The following IFT122 variants were observed in gnomAD, a reference collection of about 807,000 sequenced individuals.
IFT122 encodes the protein intraflagellar transport protein 122 homolog.
In IFT122, 118 loss-of-function variants were observed where a neutral mutation model predicts 161.6. The observed-to-expected ratio is 0.73, with a 90% CI of 0.63 to 0.85. The LOEUF is 0.85. Ranked by LOEUF, IFT122 falls within the 40% of genes least tolerant of loss-of-function variation. The probability of loss-of-function intolerance (pLI) is 0.00; values close to 1 mark genes in which losing one functional copy is unlikely to be tolerated. For synonymous variants in IFT122, 550 were observed against 602.4 expected, an observed-to-expected ratio of 0.91 and a Z score of 1.27; for missense variants, 1,381 against 1,579.6, an observed-to-expected ratio of 0.87 and a Z score of 2.13.
intron 1 of IFT122, among the ~76,000 whole-genome samples, chr3:129,443,196 A>T (rs2073499550): frequency 6.6e-6 from 1 of 152,230 alleles, no homozygotes; most frequent in Admixed American, 6.5e-5. Context: ...AGGTGACATA[A>T]GTTACCTAAG....
In IFT122 at chr3:129,476,410, A is replaced by T; in HGVS notation, c.912A>T (p.Val304=). 6.2e-7 allele frequency: 1 copy of T among 1,614,164 alleles called. No homozygotes were observed. Among genetic ancestry groups the T allele is most frequent in the Non-Finnish European group, 8.5e-7 (1 of 1,180,024 alleles). The change falls in exon 10 of 30, where the codon GTA becomes GTT. Residue 304 remains valine, a synonymous_variant. Transcript: ENST00000348417. ...TGCTGGGGGGTTCAGACAAGCAAGT[A>T]TCTCTTTTCACCAAGGATGGAGTGC... ...YILLGGSDKQ[V]SLFTKDGVRL...
intron 1 of IFT122, among the ~76,000 whole-genome samples, chr3:129,447,831 A>G (rs2074218666): frequency 6.6e-6 from 1 of 152,138 alleles, no homozygotes; most frequent in South Asian, 2.1e-4. Context: ...TCATACTTAA[A>G]GTCTGTGTTG....
At chr3:129,510,345 A>G (rs1005940595) in intron 23 of IFT122, among the ~76,000 whole-genome samples, 3 of 151,956 alleles carry the variant, frequency 2.0e-5, no homozygotes, top group Non-Finnish European at 2.9e-5. Context: ...GGCAAGAAGG[A>G]CTCCTGACAG....
chr3:129,469,308 C>T, intron 8 of IFT122, 34 bp from the exon 9 acceptor site: 1 of 1,558,580 alleles, frequency 6.4e-7, no homozygotes, highest in Non-Finnish European at 8.9e-7. Context: ...CAGGCTGTGG[C>T]CCTTCATAAC....
chr3:129,506,695 T>C (rs2082226151), intron 22 of IFT122, 146 bp downstream of exon 22: 1 of 1,178,556 alleles, frequency 8.5e-7, no homozygotes, highest in Middle Eastern at 2.3e-4. Flanking sequence ...AGTGGCGTAA[T>C]CTGGTGTATC....
intron 2 of IFT122, among the ~76,000 whole-genome samples, chr3:129,450,752 G>C (rs1325263127): frequency 1.5e-5 from 2 of 137,230 alleles, no homozygotes; most frequent in Non-Finnish European, 3.0e-5. Context: ...ACAGAGTCTG[G>C]CTCTGTCGCC....
Position 129,464,731 on chromosome 3 carries a change from G to T in IFT122, c.513G>T (p.Arg171=). ...KNGEEKVKIE[R]PGGSLSPIWS... is the part of the protein sequence containing the mutation. ...GCGAGGAGAAAGTAAAGATCGAGCG[G>T]CCGGGGGGCTCCCTCTCGCCAATAT... Residue 171 remains arginine, a synonymous_variant, in exon 7 of 30, where the codon CGG becomes CGT. Transcript: ENST00000348417. 6.2e-7 allele frequency: 1 copy of T among 1,614,104 alleles called. No individual in the cohort carries two copies. The highest frequency in any genetic ancestry group is 8.5e-7 in the Non-Finnish European group (1 of 1,180,016).
At chr3:129,492,719 C>G (rs374466670) in intron 17 of IFT122, among the ~76,000 whole-genome samples, 1 of 152,088 alleles carries the variant, frequency 6.6e-6, no homozygotes, top group Non-Finnish European at 1.5e-5. Context: ...AGAATATTGA[C>G]CTTGTCATCC....
chr3:129,495,720 C>T, intron 18 of IFT122, 113 bp downstream of exon 18: 1 of 1,237,650 alleles, frequency 8.1e-7, no homozygotes, highest in Admixed American at 1.8e-5. Flanking sequence ...TAGCAATGGT[C>T]TCAGAAAGGA....
chr3:129,497,033 C>T (rs921202814), intron 18 of IFT122, among the ~76,000 whole-genome samples: 1 of 152,206 alleles, frequency 6.6e-6, no homozygotes, highest in African/African-American at 2.4e-5. Context: ...GTAATACTAG[C>T]ACTTTGGGAG....
Position 129,520,276 on chromosome 3 carries a change from G to A in IFT122, c.*11G>A. The A allele has an allele frequency of 1.9e-6, 3 of 1,601,608 alleles. No individual in the cohort carries two copies. The East Asian group carries it at 6.7e-5, about 36-fold the overall frequency. On this transcript the variant is annotated 3_prime_UTR_variant, in exon 30 of 30. Coordinates refer to ENST00000348417, the MANE Select transcript of IFT122 (RefSeq NM_052989.3). ...GACCCTGGCCCATGACCAGCATCCTGGGGACGGCCTGCACCCTCTGCCCGC... is the reference window on the plus strand; with the variant it reads ...GACCCTGGCCCATGACCAGCATCCTAGGGACGGCCTGCACCCTCTGCCCGC...
At chr3:129,483,414 G>T in intron 14 of IFT122, 71 bp from the exon 15 acceptor site, 1 of 1,301,816 alleles carries the variant, frequency 7.7e-7, no homozygotes, top group Non-Finnish European at 1.1e-6. Flanking sequence ...GAGGGTATTG[G>T]GCTGAAATGT....
intron 8 of IFT122, among the ~76,000 whole-genome samples, chr3:129,467,756 A>G (rs1172244736): frequency 6.6e-6 from 1 of 152,198 alleles, no homozygotes; most frequent in African/African-American, 2.4e-5. Context: ...GTTTGGCAGT[A>G]GAGATCTAGC....
At chr3:129,490,811 T>C (rs2079990062) in intron 16 of IFT122, among the ~76,000 whole-genome samples, 1 of 152,246 alleles carries the variant, frequency 6.6e-6, no homozygotes, top group Non-Finnish European at 1.5e-5. Flanking sequence ...ACAGGTAGTC[T>C]TAGCCCTGTG....
intron 15 of IFT122, 95 bp from the exon 16 acceptor site, chr3:129,488,162 C>T (rs765285596): frequency 8.8e-6 from 14 of 1,598,982 alleles, no homozygotes; most frequent in Non-Finnish European, 9.4e-6. Context: ...CATGGGTAAT[C>T]ATCCCACGCA....
At chr3:129,505,501 TATCC>T (rs958047469) in intron 21 of IFT122, among the ~76,000 whole-genome samples, 8 of 152,244 alleles carry the variant, frequency 5.3e-5, no homozygotes, top group Non-Finnish European at 1.2e-4. Context: ...CACATCAACC[TATCC>T]ATCTGTCTGT....
At chr3:129,514,884 C>T (rs2083294074) in intron 25 of IFT122, 1 of 465,942 alleles carries the variant, frequency 2.1e-6, no homozygotes, top group Non-Finnish European at 4.0e-6. Context: ...GGCCCCAGAG[C>T]TGACTCTTAC....
chr3:129,487,526 A>G (rs931650422), intron 15 of IFT122: 1 of 157,408 alleles, frequency 6.4e-6, no homozygotes, highest in African/African-American at 2.4e-5. Context: ...GGGCACTCAC[A>G]GCAAGGCAAC....
intron 9 of IFT122, among the ~76,000 whole-genome samples, chr3:129,473,479 T>C (rs1158913212): frequency 2.6e-5 from 4 of 152,312 alleles, no homozygotes; most frequent in African/African-American, 9.6e-5. Flanking sequence ...CTGAAGATTA[T>C]TGTGTATGTT....
Sources: allele counts gnomAD v4.1 joint callset (sites outside exome capture counted in the v4.1 genomes callset), GRCh38; gene constraint gnomAD v4.1.1; transcripts MANE v1.5; gene names NCBI Gene and HGNC (gene_info 2026-07-23, HGNC 2026-07-21).